GRID2: variants seen among roughly 807,000 people sequenced by gnomAD.
GRID2 encodes glutamate ionotropic receptor delta type subunit 2.
In GRID2, 33 loss-of-function variants were observed where a neutral mutation model predicts 114.8. That is an observed-to-expected ratio of 0.29 (90% CI 0.22 to 0.38). The LOEUF (loss-of-function observed/expected upper bound fraction) is 0.38, where lower values mean the gene tolerates loss of function less well. GRID2 is among the 10% of genes least tolerant of loss of function. The pLI is 1.00. For synonymous variants in GRID2, 505 were observed against 449.9 expected (o/e 1.12, Z -1.55); for missense variants, 1,184 against 1,257.7 (o/e 0.94, Z 0.89).
chr4:93,681,327 CA>C (rs1725510659), intron 14 of GRID2, among the ~76,000 whole-genome samples: 2 of 151,508 alleles, frequency 1.3e-5, no homozygotes, highest in Non-Finnish European at 2.9e-5. Flanking sequence ...TAGGAAGAAT[CA>C]ATATCGTGAA....
intron 2 of GRID2, among the ~76,000 whole-genome samples, chr4:92,623,960 C>T (rs540425446): frequency 1.3e-5 from 2 of 151,688 alleles, no homozygotes; most frequent in East Asian, 1.9e-4. Context: ...TAAACATATC[C>T]GGTAAAGCTA....
Position 92,592,966 on chromosome 4 carries a change from T to C in GRID2, c.244+2680T>C, listed in dbSNP as rs142017739. Among the ~76,000 whole-genome samples the C allele has an allele frequency of 7.0e-4, 107 of 152,170 alleles. 1 individual carries two copies. The East Asian group carries it at 0.017, about 24-fold the overall frequency. ...AAAACCTCAACTGTGCCATTGAAGA[T>C]AGTCAACTTTCTCTCACATGTTTAC... On this transcript the variant is annotated intron_variant, in intron 2 of 15. Coordinates refer to ENST00000282020, the MANE Select transcript of GRID2 (RefSeq NM_001510.4).
chr4:92,858,462 G>A (rs1744314498), intron 2 of GRID2, among the ~76,000 whole-genome samples: 1 of 152,206 alleles, frequency 6.6e-6, no homozygotes. Flanking sequence ...TACAGATGTG[G>A]ATTTGCAAGA....
chr4:92,817,143 T>C (rs1740966496), intron 2 of GRID2, among the ~76,000 whole-genome samples: 1 of 152,154 alleles, frequency 6.6e-6, no homozygotes, highest in Non-Finnish European at 1.5e-5. Context: ...GTTCAATCTG[T>C]CTTTTAAAAT....
At chr4:92,383,779 A>G (rs1729732191) in intron 1 of GRID2, among the ~76,000 whole-genome samples, 2 of 151,978 alleles carry the variant, frequency 1.3e-5, no homozygotes, top group African/African-American at 4.8e-5. Flanking sequence ...ATAATATTCA[A>G]TAGTCAACAG....
chr4:92,789,738 G>C (rs1739489699), intron 2 of GRID2, among the ~76,000 whole-genome samples: 1 of 151,830 alleles, frequency 6.6e-6, no homozygotes, highest in Non-Finnish European at 1.5e-5. Flanking sequence ...TACAATATTT[G>C]ATGTCCTTAC....
chr4:92,309,411 G>A (rs1725583355), intron 1 of GRID2, among the ~76,000 whole-genome samples: 1 of 151,816 alleles, frequency 6.6e-6, no homozygotes, highest in Admixed American at 6.6e-5. Flanking sequence ...GCATATTGGT[G>A]AGTAGCAATA....
At chr4:92,708,205 TAAAGG>T (rs1560544427) in intron 2 of GRID2, among the ~76,000 whole-genome samples, 1 of 152,220 alleles carries the variant, frequency 6.6e-6, no homozygotes, top group South Asian at 2.1e-4. Flanking sequence ...ACTTAAATTT[TAAAGG>T]AAAGAATAAT....
intron 2 of GRID2, among the ~76,000 whole-genome samples, chr4:93,027,077 A>AT (rs1267373800): frequency 2.6e-5 from 4 of 151,836 alleles, no homozygotes; most frequent in Admixed American, 6.6e-5. Flanking sequence ...GATCAACACC[A>AT]TTTTTTTGTT....
Position 92,901,392 on chromosome 4 carries a change from A to G in GRID2, c.245-183603A>G, listed in dbSNP as rs60291540. Among the ~76,000 whole-genome samples the G allele has an allele frequency of 7.9e-3, 1,199 of 151,918 alleles. 18 individuals carry two copies. Among genetic ancestry groups the G allele is most frequent in the African/African-American group, 0.027 (1,137 of 41,424 alleles). ...TTGCTTGTAGATTCTGGATGTTAGT[A>G]TTTTTCAGTTGCATAGTTTAAAGAT... On this transcript the variant is annotated intron_variant, in intron 2 of 15. Coordinates refer to ENST00000282020, the MANE Select transcript of GRID2 (RefSeq NM_001510.4).
chr4:93,712,095 A>G lies in GRID2; in HGVS notation c.2361-57115A>G, dbSNP rs1265437783. ...AAATATCTTCCACCATTTTTGGCTTAACTTTTTACATATTTACAATATTTT... is the reference window on the plus strand; with the variant it reads ...AAATATCTTCCACCATTTTTGGCTTGACTTTTTACATATTTACAATATTTT... On this transcript the variant is annotated intron_variant, in intron 14 of 15. Transcript: ENST00000282020. 3.9e-5 allele frequency among the ~76,000 whole-genome samples: 6 copies of G among 152,156 alleles called. No individual in the cohort carries two copies. The East Asian group carries it at 7.7e-4, about 20-fold the overall frequency.
At chr4:93,555,279 G>C in intron 13 of GRID2, among the ~76,000 whole-genome samples, 1 of 152,160 alleles carries the variant, frequency 6.6e-6, no homozygotes, top group East Asian at 1.9e-4. Context: ...CCCCTGGAAA[G>C]GGGGCTGAAG....
chr4:93,191,175 T>C (rs1045997173), intron 4 of GRID2, among the ~76,000 whole-genome samples: 3 of 152,074 alleles, frequency 2.0e-5, no homozygotes, highest in Non-Finnish European at 4.4e-5. Flanking sequence ...TTTATTCATT[T>C]TTAGCACAAA....
intron 2 of GRID2, among the ~76,000 whole-genome samples, chr4:92,846,305 G>A (rs1432399441): frequency 2.6e-5 from 4 of 151,990 alleles, no homozygotes; most frequent in African/African-American, 4.8e-5. Flanking sequence ...TATTTTTTGA[G>A]TCTTTGGCCC....
chr4:93,447,486 C>T (rs938819316), intron 10 of GRID2, among the ~76,000 whole-genome samples: 2 of 151,820 alleles, frequency 1.3e-5, no homozygotes, highest in Non-Finnish European at 2.9e-5. Context: ...CATGTGTACA[C>T]CACAATTAAG....
chr4:92,835,103 G>A (rs1278443509), intron 2 of GRID2, among the ~76,000 whole-genome samples: 1 of 151,830 alleles, frequency 6.6e-6, no homozygotes, highest in African/African-American at 2.4e-5. Context: ...ATATGATATG[G>A]CAGTGCTCAA....
intron 2 of GRID2, among the ~76,000 whole-genome samples, chr4:92,797,094 A>T (rs115798617): frequency 0.011 from 1,726 of 152,044 alleles, 20 homozygotes; most frequent in Non-Finnish European, 0.016. Context: ...TTTATAGTGG[A>T]TATCAAGTAG....
At chr4:93,407,746 T>C (rs1579980806) in intron 9 of GRID2, among the ~76,000 whole-genome samples, 1 of 118,882 alleles carries the variant, frequency 8.4e-6, no homozygotes, top group Admixed American at 9.5e-5. Context: ...CTCCTCCTCC[T>C]CCTCCTCCTC....
chr4:92,571,702 T>C (rs1015591942), intron 1 of GRID2, among the ~76,000 whole-genome samples: 1 of 152,044 alleles, frequency 6.6e-6, no homozygotes, highest in Non-Finnish European at 1.5e-5. Context: ...CACAGTGCAA[T>C]CAAACTAGAA....
Sources: allele counts gnomAD v4.1 joint callset (sites outside exome capture counted in the v4.1 genomes callset), GRCh38; gene constraint gnomAD v4.1.1; transcripts MANE v1.5; gene names NCBI Gene and HGNC (gene_info 2026-07-23, HGNC 2026-07-21).